PTPRE: variants seen among roughly 807,000 people sequenced by gnomAD.
PTPRE encodes the protein protein tyrosine phosphatase receptor type E, also known as receptor-type tyrosine-protein phosphatase epsilon.
Under a neutral mutation model 102.0 loss-of-function variants are expected in PTPRE, and 51 were observed. That is an observed-to-expected ratio of 0.50 (90% CI 0.40 to 0.63). The LOEUF (loss-of-function observed/expected upper bound fraction) is 0.63, where lower values mean the gene tolerates loss of function less well. Among genes scored for constraint, PTPRE ranks in the 30% least tolerant of loss-of-function variants. The pLI, the probability that PTPRE is intolerant of heterozygous loss-of-function variation, is 0.00. For synonymous variants in PTPRE, 345 were observed against 348.2 expected (o/e 0.99, Z 0.10); for missense variants, 752 against 915.1 (o/e 0.82, Z 2.30).
intron 2 of PTPRE, among the ~76,000 whole-genome samples, chr10:128,000,241 A>G (rs898318743): frequency 1.7e-4 from 26 of 152,222 alleles, no homozygotes; most frequent in African/African-American, 5.5e-4. Context: ...TCTTCATTAA[A>G]TTGATACTTA....
Position 127,935,458 on chromosome 10 carries a change from A to C in PTPRE, c.-31+28149A>C, listed in dbSNP as rs59781338. Among the ~76,000 whole-genome samples, 451 of 152,174 alleles carry C rather than the reference A, an allele frequency of 3.0e-3. 6 individuals carry two copies. Among genetic ancestry groups the C allele is most frequent in the African/African-American group, 0.01 (432 of 41,516 alleles). ...TTTCCCAGATTGGTGATGGATGTCC[A>C]CTGTGTCTCCATGCAGCTGGCCACT... On this transcript the variant is annotated intron_variant, in intron 1 of 20. Transcript: ENST00000254667.
At chr10:128,034,325 A>ACCCCCCCCC (rs58597055) in intron 2 of PTPRE, among the ~76,000 whole-genome samples, 8 of 147,048 alleles carry the variant, frequency 5.4e-5, no homozygotes, top group African/African-American at 2.1e-4. Flanking sequence ...CCTCCACACC[A>ACCCCCCCCC]CCCCCCCCAC....
At chr10:128,077,594 G>A in intron 18 of PTPRE, 23 bp from the exon 19 acceptor site, 6 of 1,587,092 alleles carry the variant, frequency 3.8e-6, no homozygotes, top group Non-Finnish European at 5.2e-6. Flanking sequence ...AGGCGACGCT[G>A]AGACCCCCTC....
chr10:128,021,837 T>G lies in PTPRE; in HGVS notation c.-7-19038T>G, dbSNP rs184912622. Among the ~76,000 whole-genome samples, 51 of 152,370 alleles carry G rather than the reference T, an allele frequency of 3.3e-4. No individual in the cohort carries two copies. The Middle Eastern group carries it at 0.014, about 41-fold the overall frequency. On this transcript the variant is annotated intron_variant, in intron 2 of 20. Coordinates refer to ENST00000254667, the MANE Select transcript of PTPRE (RefSeq NM_006504.6). ...GTTTCTTGCTGTATCTCTTACCACGTGCTTCCCGTGAGGCTGCTTTTGGCT... is the reference window on the plus strand; with the variant it reads ...GTTTCTTGCTGTATCTCTTACCACGGGCTTCCCGTGAGGCTGCTTTTGGCT...
intron 2 of PTPRE, among the ~76,000 whole-genome samples, chr10:128,036,579 T>C (rs1200824888): frequency 6.6e-6 from 1 of 151,942 alleles, no homozygotes; most frequent in African/African-American, 2.4e-5. Flanking sequence ...AGAGCCCCCA[T>C]TGTCCTTGTC....
At chr10:128,077,845 C>T (rs1015922729) in intron 19 of PTPRE, 62 bp downstream of exon 19, 24 of 1,526,032 alleles carry the variant, frequency 1.6e-5, no homozygotes, top group African/African-American at 2.7e-5. Flanking sequence ...CCCCAGTACC[C>T]GCAGCTGTGG....
intron 1 of PTPRE, among the ~76,000 whole-genome samples, chr10:127,950,569 G>A (rs970690087): frequency 2.6e-5 from 4 of 152,138 alleles, no homozygotes; most frequent in South Asian, 2.1e-4. Flanking sequence ...AGAGCTCCGC[G>A]ATTGCTCTTC....
At chr10:127,934,296 G>A (rs1473314369) in intron 1 of PTPRE, 2 of 152,120 alleles carry the variant, frequency 1.3e-5, no homozygotes, top group African/African-American at 4.8e-5. Flanking sequence ...GCCTGAATGT[G>A]AACCTTGTTG....
chr10:128,045,639 C>G (rs1212111873), intron 3 of PTPRE, among the ~76,000 whole-genome samples: 1 of 152,200 alleles, frequency 6.6e-6, no homozygotes, highest in Non-Finnish European at 1.5e-5. Flanking sequence ...GGGGTCTTCC[C>G]ACTCAGCCTG....
At chr10:127,986,251 C>T (rs1264946429) in intron 2 of PTPRE, among the ~76,000 whole-genome samples, 2 of 152,092 alleles carry the variant, frequency 1.3e-5, no homozygotes, top group Non-Finnish European at 2.9e-5. Context: ...CACTGTAGTT[C>T]GTATCAGTGA....
At chr10:127,976,147 T>G (rs1437845788) in intron 1 of PTPRE, among the ~76,000 whole-genome samples, 1 of 152,040 alleles carries the variant, frequency 6.6e-6, no homozygotes, top group Non-Finnish European at 1.5e-5. Context: ...AAGATTTTTT[T>G]AAAAAACATG....
chr10:127,923,130 C>T (rs980972384), intron 1 of PTPRE, among the ~76,000 whole-genome samples: 4 of 152,274 alleles, frequency 2.6e-5, no homozygotes, highest in African/African-American at 7.2e-5. Context: ...TAGCGGCTGG[C>T]GTGCCATTCT....
At chr10:127,959,211 C>CT (rs1366309999) in intron 1 of PTPRE, among the ~76,000 whole-genome samples, 2 of 152,130 alleles carry the variant, frequency 1.3e-5, no homozygotes, top group African/African-American at 2.4e-5. Flanking sequence ...TGCCTATTTT[C>CT]TTTTTTTAAA....
intron 17 of PTPRE, among the ~76,000 whole-genome samples, chr10:128,075,699 C>T (rs867111175): frequency 1.3e-5 from 2 of 152,200 alleles, no homozygotes; most frequent in Middle Eastern, 3.4e-3. Context: ...TCAAGGTGTC[C>T]TAATTATTGT....
chr10:127,956,817 A>G lies in PTPRE; in HGVS notation c.-30-25457A>G, dbSNP rs570188655. Among the ~76,000 whole-genome samples, 26 of 152,156 alleles carry G rather than the reference A, an allele frequency of 1.7e-4. 1 individual carries two copies. The South Asian group carries it at 5.2e-3, about 30-fold the overall frequency. ...TGCTTTAATTAGCAATTCCCTAAAG[A>G]CAGATGATGATGAGCATCTTTATGT... On this transcript the variant is annotated intron_variant, in intron 1 of 20. Coordinates refer to ENST00000254667, the MANE Select transcript of PTPRE (RefSeq NM_006504.6).
intron 15 of PTPRE, chr10:128,071,220 G>A (rs916605849): frequency 3.0e-5 from 12 of 395,976 alleles, no homozygotes; most frequent in Admixed American, 8.5e-5. Flanking sequence ...CGGCAGGCAC[G>A]ACTTGGGATT....
chr10:127,996,622 G>A (rs1455209267), intron 2 of PTPRE, among the ~76,000 whole-genome samples: 2 of 152,084 alleles, frequency 1.3e-5, no homozygotes, highest in South Asian at 2.1e-4. Flanking sequence ...CCCGGCATTC[G>A]GCTTCAGCCT....
At chr10:127,967,919 T>C (rs954002807) in intron 1 of PTPRE, among the ~76,000 whole-genome samples, 7 of 152,316 alleles carry the variant, frequency 4.6e-5, no homozygotes, top group South Asian at 2.1e-4. Flanking sequence ...ATTTTTATGT[T>C]TATTGAATAC....
chr10:128,056,811 G>T (rs1209981514), intron 7 of PTPRE, among the ~76,000 whole-genome samples: 1 of 152,154 alleles, frequency 6.6e-6, no homozygotes, highest in African/African-American at 2.4e-5. Context: ...GATGTGTGCG[G>T]GGGTGCGTCT....
Sources: gnomAD v4.1 joint callset for allele counts (sites outside exome capture counted in the v4.1 genomes callset) on GRCh38, gnomAD v4.1.1 for gene constraint, MANE v1.5 for transcripts, NCBI Gene and HGNC (gene_info 2026-07-23, HGNC 2026-07-21) for gene names.